The following MCF2L variants were observed in gnomAD, a reference collection of about 807,000 sequenced individuals.
MCF2L encodes the protein MCF.2 cell line derived transforming sequence like.
In MCF2L, 97 loss-of-function variants were observed where a neutral mutation model predicts 153.4. The ratio of observed to expected loss-of-function variants is 0.63; its 90% confidence interval spans 0.54 to 0.75. The LOEUF (loss-of-function observed/expected upper bound fraction) is 0.75. MCF2L is among the 30% of genes least tolerant of loss of function. The pLI is 0.00. For missense variants in MCF2L, 1,347 were observed against 1,495.2 expected (o/e 0.90, Z 1.64); for synonymous variants, 659 against 632.2 (o/e 1.04, Z -0.64).
intron 1 of MCF2L, among the ~76,000 whole-genome samples, chr13:112,898,928 A>C (rs1594292461): frequency 6.6e-6 from 1 of 151,018 alleles, no homozygotes; most frequent in Non-Finnish European, 1.5e-5. Flanking sequence ...CCACCACCCC[A>C]TCCCACCACC....
rs766321349 is a variant in MCF2L at position 113,085,106 on chromosome 13, C to T, written c.2175C>T (p.Asp725=). Residue 725 remains aspartate, a synonymous_variant, in exon 20 of 30, where the codon GAC becomes GAT. Transcript: ENST00000535094. The part of the protein sequence containing the change: ...PFFQECQRKL[D]HKLSLDSYLL... ...TCCAGGAATGCCAGAGAAAGCTGGA[C>T]CACAAGCTGAGCCTGGACTCCTACC... 1.9e-6 allele frequency: 3 copies of T among 1,613,626 alleles called. No individual in the cohort carries two copies. The highest frequency in any genetic ancestry group is 1.7e-6 in the Non-Finnish European group (2 of 1,180,028).
rs1345813044 is a variant in MCF2L, at chr13:113,088,584, G to A, written c.2790G>A (p.Leu930=). 9 of 1,610,304 alleles carry A rather than the reference G, an allele frequency of 5.6e-6. No individual in the cohort carries two copies. Among genetic ancestry groups the A allele is most frequent in the South Asian group, 5.5e-5 (5 of 91,006 alleles). Residue 930 remains leucine (L), a synonymous_variant, in exon 25 of 30, where the codon CTG becomes CTA. Transcript: ENST00000535094. ...ACREASQHRA[L]EQSQSLPLPA... The stretch of plus-strand genomic sequence containing the variant: ...CAGAAGCCAGCCAGCACCGGGCGCT[G>A]GAGCAGTCACAGAGCCTGCCCCTGC...
chr13:113,077,235 C>T (rs548063678), intron 13 of MCF2L, 24 bp downstream of exon 13: 27 of 1,518,160 alleles, frequency 1.8e-5, no homozygotes, highest in Middle Eastern at 1.9e-4. Context: ...CCCGGTGCCC[C>T]GGGTGCTGTG....
Position 112,975,793 on chromosome 13 carries a change from C to T in MCF2L, c.79+6335C>T, listed in dbSNP as rs141306674. Among the ~76,000 whole-genome samples, 408 of 152,318 alleles carry T rather than the reference C, an allele frequency of 2.7e-3. 1 individual carries two copies. Among genetic ancestry groups the T allele is most frequent in the African/African-American group, 8.9e-3 (369 of 41,556 alleles). The stretch of plus-strand genomic sequence containing the variant: ...TCTGAGAGGAAGGGTCTGTGGTTGA[C>T]CTCGTTGCGGTCGCACGGTGATAGA... On this transcript the variant is annotated intron_variant, in intron 1 of 29. Transcript: ENST00000535094.
intron 3 of MCF2L, among the ~76,000 whole-genome samples, chr13:113,030,536 C>T (rs1377970852): frequency 6.9e-6 from 1 of 145,624 alleles, no homozygotes. Flanking sequence ...TGTGGGCCCT[C>T]GGGTGTCCAC....
chr13:113,089,163 TCCCCCGCCCCC>T lies in MCF2L; in HGVS notation c.2835-441_2835-431del, dbSNP rs1279063309. 1.4e-3 allele frequency among the ~76,000 whole-genome samples: 126 copies of T among 89,402 alleles called. 2 individuals carry two copies. The highest frequency in any genetic ancestry group is 2.6e-3 in the Non-Finnish European group (110 of 42,552). 58.7% of individuals were successfully genotyped at this position (89,402 alleles called of 152,430 possible). Reference sequence around the variant, plus strand: ...AACAGTAGTTTTAAAAAAGAAACACTCCCCCGCCCCCCCCCCCGCCCCCCGAAAAAAAAAGC... The same window carrying T: ...AACAGTAGTTTTAAAAAAGAAACACTCCCCCCGCCCCCCGAAAAAAAAAGC... On this transcript the variant is annotated intron_variant, in intron 25 of 29. Transcript: ENST00000535094.
intron 4 of MCF2L, among the ~76,000 whole-genome samples, chr13:113,057,178 A>G (rs1330396640): frequency 5.5e-4 from 39 of 70,334 alleles, no homozygotes; most frequent in South Asian, 1.0e-3. Flanking sequence ...GGTGCTGAGT[A>G]GGTGCTGTGT....
upstream of MCF2L, chr13:112,964,860 A>T (rs1296721742): frequency 2.0e-5 from 3 of 152,186 alleles, no homozygotes; most frequent in Admixed American, 1.3e-4. Flanking sequence ...TTTTATTTTT[A>T]TTTTCTATAT....
rs1328682957 is a variant in MCF2L, at chr13:113,035,295, C to G, written c.279-9976C>G. Among the ~76,000 whole-genome samples, 1 of 152,206 alleles carries G rather than the reference C, an allele frequency of 6.6e-6. No individual in the cohort carries two copies. Among genetic ancestry groups the G allele is most frequent in the Non-Finnish European group, 1.5e-5 (1 of 68,044 alleles). ...ACTTATGAATCGTGCATATTTTACT[C>G]TAAGGCCTGTCTGTAAACCCTAATA... On this transcript the variant is annotated intron_variant, in intron 3 of 29. Coordinates refer to ENST00000535094, the MANE Select transcript of MCF2L (RefSeq NM_001112732.3). The surrounding 1 kb of genome is among the most constrained non-coding windows in gnomAD (Gnocchi z 4.4).
At chr13:112,976,547 G>A (rs749783410) in intron 1 of MCF2L, among the ~76,000 whole-genome samples, 5 of 152,200 alleles carry the variant, frequency 3.3e-5, no homozygotes, top group African/African-American at 7.2e-5. Flanking sequence ...CTCATGGGGC[G>A]GCAAGGCTGT....
chr13:112,993,562 G>A lies in MCF2L; in HGVS notation c.80-21201G>A, dbSNP rs1291219637. Reference sequence around the variant, plus strand: ...CAGCCACAGAAGTGGCAGTGGGAGGGGAGGGGGAGGGTGCCTGGAGAGAGG... The same window carrying A: ...CAGCCACAGAAGTGGCAGTGGGAGGAGAGGGGGAGGGTGCCTGGAGAGAGG... On this transcript the variant is annotated intron_variant, in intron 1 of 29. Transcript: ENST00000535094. The surrounding 1 kb of genome is among the most constrained non-coding windows in gnomAD (Gnocchi z 4.6). Among the ~76,000 whole-genome samples the A allele has an allele frequency of 6.6e-6, 1 of 152,182 alleles. No homozygotes were observed. The highest frequency in any genetic ancestry group is 2.4e-5 in the African/African-American group (1 of 41,430).
intron 5 of MCF2L, among the ~76,000 whole-genome samples, chr13:113,061,285 C>A (rs1361212874): frequency 1.3e-5 from 2 of 152,196 alleles, no homozygotes; most frequent in Non-Finnish European, 2.9e-5. Context: ...AAAGCACCTT[C>A]AGTCCTGATC....
At chr13:112,971,411 G>C (rs2082034626) in intron 1 of MCF2L, among the ~76,000 whole-genome samples, 1 of 152,198 alleles carries the variant, frequency 6.6e-6, no homozygotes, top group Non-Finnish European at 1.5e-5. Context: ...ACACTGATGT[G>C]GCGGCTGGTG....
chr13:112,994,215 G>T (rs2083017568), intron 1 of MCF2L, among the ~76,000 whole-genome samples: 1 of 151,050 alleles, frequency 6.6e-6, no homozygotes, highest in Non-Finnish European at 1.5e-5. Flanking sequence ...ACGGGGCACG[G>T]TGCGTGGGAT....
In MCF2L at chr13:113,053,009, A is replaced by G. The variant is rs1176553593; in HGVS notation, c.370-7584A>G. Among the ~76,000 whole-genome samples the G allele has an allele frequency of 6.6e-6, 1 of 152,142 alleles. No individual in the cohort carries two copies. The highest frequency in any genetic ancestry group is 2.4e-5 in the African/African-American group (1 of 41,418). ...CACACACAAACACACACATATATGC[A>G]CATATACACACATCACATAAACACA... On this transcript the variant is annotated intron_variant, in intron 4 of 29. Transcript: ENST00000535094. The surrounding 1 kb of genome is among the most constrained non-coding windows in gnomAD (Gnocchi z 4.4).
At chr13:112,954,823 T>C (rs1310486352) in intron 2 of MCF2L, among the ~76,000 whole-genome samples, 1 of 152,180 alleles carries the variant, frequency 6.6e-6, no homozygotes, top group Non-Finnish European at 1.5e-5. Flanking sequence ...ATCCTGAATA[T>C]TTAGAGCTCT....
At chr13:113,055,382 CCACA>C (rs59884971) in intron 4 of MCF2L, among the ~76,000 whole-genome samples, 191 of 15,136 alleles carry the variant, frequency 0.013, 4 homozygotes, top group Middle Eastern at 0.031. Context: ...CCCCCCCCCG[CCACA>C]CACACACACA....
intron 3 of MCF2L, chr13:113,033,946 G>A (rs1399340489): frequency 6.1e-6 from 1 of 164,268 alleles, no homozygotes; most frequent in African/African-American, 2.5e-5. Flanking sequence ...CTTCCTCCGG[G>A]TTCTGCACGC....
At chr13:112,894,934 T>C (rs895337081) in intron 1 of MCF2L, among the ~76,000 whole-genome samples, 2 of 101,376 alleles carry the variant, frequency 2.0e-5, no homozygotes, top group African/African-American at 6.5e-5. Context: ...CCACACCTGG[T>C]GGCTGGGGAC....
Sources: allele counts gnomAD v4.1 joint callset (sites outside exome capture counted in the v4.1 genomes callset), GRCh38; gene constraint gnomAD v4.1.1; non-coding constraint Gnocchi (gnomAD v3.1); transcripts MANE v1.5; gene names NCBI Gene and HGNC (gene_info 2026-07-23, HGNC 2026-07-21).